The following LUC7L variants were observed in gnomAD, a reference collection of about 807,000 sequenced individuals.
The protein encoded by LUC7L is putative RNA-binding protein Luc7-like 1.
Under a neutral mutation model 51.1 loss-of-function variants are expected in LUC7L, and 29 were observed. The observed-to-expected ratio is 0.57, with a 90% CI of 0.42 to 0.77. The LOEUF (loss-of-function observed/expected upper bound fraction) is 0.77, where lower values mean the gene tolerates loss of function less well. LUC7L is among the 30% of genes least tolerant of loss of function. The pLI, the probability that LUC7L is intolerant of heterozygous loss-of-function variation, is 0.00. For missense variants in LUC7L, 403 were observed against 511.9 expected (o/e 0.79, Z 2.05); for synonymous variants, 181 against 180.7 (o/e 1.00, Z -0.01).
intron 6 of LUC7L, among the ~76,000 whole-genome samples, chr16:197,493 A>AG (rs1367941611): frequency 7.2e-5 from 11 of 152,208 alleles, no homozygotes. Flanking sequence ...TACAGGCGTG[A>AG]GCCACCACAC....
intron 2 of LUC7L, among the ~76,000 whole-genome samples, chr16:225,260 G>A (rs1275545924): frequency 6.6e-6 from 1 of 151,940 alleles, no homozygotes; most frequent in Non-Finnish European, 1.5e-5. Flanking sequence ...GGCCAAGGTG[G>A]GTGGATCACG....
intron 6 of LUC7L, among the ~76,000 whole-genome samples, chr16:196,220 C>G (rs1009735401): frequency 6.6e-6 from 1 of 152,070 alleles, no homozygotes; most frequent in Non-Finnish European, 1.5e-5. Context: ...TCAGCCTGAG[C>G]AACACGGTGA....
intron 5 of LUC7L, among the ~76,000 whole-genome samples, chr16:203,832 C>T (rs770565399): frequency 1.3e-5 from 2 of 151,842 alleles, no homozygotes; most frequent in Non-Finnish European, 2.9e-5. Flanking sequence ...CTGGCTAACA[C>T]GGTTAAATCA....
At position 229,406 on chromosome 16, in the gene LUC7L, C is replaced by T; in HGVS notation, c.-67G>A. 2.2e-6 allele frequency: 3 copies of T among 1,371,022 alleles called. No homozygotes were observed. Among genetic ancestry groups the T allele is most frequent in the Non-Finnish European group, 2.9e-6 (3 of 1,039,708 alleles). 84.9% of individuals were successfully genotyped at this position (1,371,022 alleles called of 1,614,324 possible). On this transcript the variant is annotated 5_prime_UTR_variant, in exon 1 of 10. Coordinates refer to ENST00000293872, the MANE Select transcript of LUC7L (RefSeq NM_201412.3). ...CTCAGGCAGGCGGTGGCAGCGGCGT[C>T]GACAAACGATGGTCGCGTCGGCCTC...
chr16:213,855 C>T (rs1008772568), intron 3 of LUC7L, among the ~76,000 whole-genome samples: 3 of 152,088 alleles, frequency 2.0e-5, no homozygotes, highest in African/African-American at 7.2e-5. Flanking sequence ...GCTGGGATTA[C>T]AGGTGCCCAC....
chr16:222,849 C>T (rs1403597509), intron 2 of LUC7L, among the ~76,000 whole-genome samples: 2 of 149,714 alleles, frequency 1.3e-5, no homozygotes, highest in East Asian at 2.0e-4. Context: ...AGGCTGGTCT[C>T]GAACTGCTGA....
chr16:207,995 G>A lies in LUC7L; in HGVS notation c.366+83C>T, dbSNP rs377733463. The A allele has an allele frequency of 1.5e-4, 140 of 904,316 alleles. 2 individuals are homozygous for A. The East Asian group carries it at 2.9e-3, about 19-fold the overall frequency. 56.0% of individuals were successfully genotyped at this position (904,316 alleles called of 1,614,324 possible). Reference sequence around the variant, plus strand: ...CTGCACTCCAGCCTGGGTGACAGAGGGAGACTCCATCTCAAAAAAAAAAGC... The same window carrying A: ...CTGCACTCCAGCCTGGGTGACAGAGAGAGACTCCATCTCAAAAAAAAAAGC... On this transcript the variant is annotated intron_variant, in intron 4 of 9. Transcript: ENST00000293872.
At chr16:199,756 C>CAA (rs11361921) in intron 5 of LUC7L, among the ~76,000 whole-genome samples, 71 of 61,556 alleles carry the variant, frequency 1.2e-3, no homozygotes, top group Non-Finnish European at 1.3e-3. Context: ...AACCCTGTCT[C>CAA]AAAAAAAAAA....
At position 192,949 on chromosome 16, in the gene LUC7L, G is replaced by A. The variant is rs759167157; in HGVS notation, c.754C>T (p.Arg252Trp). The A allele has an allele frequency of 1.9e-5, 30 of 1,613,140 alleles. No individual in the cohort carries two copies. The highest frequency in any genetic ancestry group is 2.3e-5 in the Non-Finnish European group (27 of 1,179,938). The change falls in exon 7 of 10, where the codon CGG becomes TGG. Residue 252 changes from arginine (R) to tryptophan (W), a missense_variant. By Grantham distance (101) the Arg-to-Trp change is moderately radical. Transcript: ENST00000293872. ...CACCTCCTGCTCAGACGCTCCTCCC[G>A]TTCCCTCTCCTCTCTCCTCCTCAAG... is the stretch of plus-strand genomic sequence containing the variant. Reference protein sequence around the residue: ...DRLRRREEREREERLSRRSGS... With the variant: ...DRLRRREEREWEERLSRRSGS...
chr16:199,726 C>T (rs1229730944), intron 5 of LUC7L, among the ~76,000 whole-genome samples: 2 of 129,820 alleles, frequency 1.5e-5, no homozygotes, highest in Non-Finnish European at 3.1e-5. Context: ...GAGCTGAGAT[C>T]GCACAGGCAA....
At chr16:227,107 G>T in intron 2 of LUC7L, 135 bp downstream of exon 2, 1 of 666,130 alleles carries the variant, frequency 1.5e-6, no homozygotes. Flanking sequence ...TACGAGTGGA[G>T]GAACACCTGC....
chr16:189,532 C>T lies in LUC7L; in HGVS notation c.975-193G>A, dbSNP rs1022368666. On this transcript the variant is annotated intron_variant, in intron 9 of 9. Transcript: ENST00000293872. ...GATAGCCATTAAAAAGTGACCTTTG[C>T]GAAGATTTTTAATAAGGAGAGCCTT... The T allele has an allele frequency of 3.3e-5, 46 of 1,383,550 alleles. No homozygotes were observed. In the South Asian group the frequency reaches 5.2e-4, roughly 16 times the overall value. 85.7% of individuals were successfully genotyped at this position (1,383,550 alleles called of 1,614,324 possible).
chr16:190,445 C>A, intron 8 of LUC7L, 96 bp downstream of exon 8: 2 of 1,314,536 alleles, frequency 1.5e-6, no homozygotes. Context: ...GCCCTACCTG[C>A]CAGGTAACAT....
chr16:212,325 T>A (rs1596650589), intron 3 of LUC7L, among the ~76,000 whole-genome samples: 1 of 152,126 alleles, frequency 6.6e-6, no homozygotes, highest in Middle Eastern at 3.4e-3. Context: ...GCTCGTCGGG[T>A]CTCCATTGCA....
At chr16:224,340 G>A (rs530325442) in intron 2 of LUC7L, among the ~76,000 whole-genome samples, 1 of 151,252 alleles carries the variant, frequency 6.6e-6, no homozygotes, top group Non-Finnish European at 1.5e-5. Context: ...CCAACGTGGT[G>A]AAACCCCGTC....
At position 208,178 on chromosome 16, in the gene LUC7L, T is replaced by C; in HGVS notation, c.266A>G (p.His89Arg). 2 of 1,611,192 alleles carry C rather than the reference T, an allele frequency of 1.2e-6. No homozygotes were observed. The highest frequency in any genetic ancestry group is 1.7e-6 in the Non-Finnish European group (2 of 1,177,702). ...ACATTCAGCAATAAAGGACTCCAAG[T>C]GATCCATTGCCTAGCACGGGAAAAG... ...DLFFELDAMD[H>R]LESFIAECDR... The change falls in exon 4 of 10, where the codon CAC becomes CGC. Residue 89 changes from histidine to arginine, a missense_variant. By Grantham distance (29) the His-to-Arg change is conservative (BLOSUM62 0). Coordinates refer to ENST00000293872, the MANE Select transcript of LUC7L (RefSeq NM_201412.3).
At position 201,737 on chromosome 16, in the gene LUC7L, C is replaced by CTTTTT. The variant is rs34083330; in HGVS notation, c.511-2504_511-2500dup. 6.8e-4 allele frequency among the ~76,000 whole-genome samples: 37 copies of CTTTTT among 54,296 alleles called. 1 individual carries two copies. The highest frequency in any genetic ancestry group is 3.3e-3 in the African/African-American group (36 of 10,956). 35.6% of individuals were successfully genotyped at this position (54,296 alleles called of 152,430 possible). ...TACAGGCGTGAGCCACCGCACCAGGCTTTTTTTTTTTTTTTTTTTTTTTTG... is the reference window on the plus strand; with the variant it reads ...TACAGGCGTGAGCCACCGCACCAGGCTTTTTTTTTTTTTTTTTTTTTTTTTTTTTG... On this transcript the variant is annotated intron_variant, in intron 5 of 9. Coordinates refer to ENST00000293872, the MANE Select transcript of LUC7L (RefSeq NM_201412.3).
At chr16:192,813 C>A in intron 7 of LUC7L, 114 bp downstream of exon 7, 1 of 940,394 alleles carries the variant, frequency 1.1e-6, no homozygotes. Context: ...TTACTATTTT[C>A]TTTTATAACG....
intron 3 of LUC7L, among the ~76,000 whole-genome samples, chr16:213,307 T>C (rs1452135527): frequency 6.6e-6 from 1 of 151,956 alleles, no homozygotes; most frequent in Non-Finnish European, 1.5e-5. Context: ...AACAACTGAG[T>C]ACTGGGAGGA....
Sources: gnomAD v4.1 joint callset for allele counts (sites outside exome capture counted in the v4.1 genomes callset) on GRCh38, gnomAD v4.1.1 for gene constraint, MANE v1.5 for transcripts, NCBI Gene and HGNC (gene_info 2026-07-23, HGNC 2026-07-21) for gene names.